C6orf163: variants seen among roughly 807,000 people sequenced by gnomAD.
C6orf163 encodes the protein uncharacterized protein C6orf163.
In C6orf163, 22 loss-of-function variants were observed where a neutral mutation model predicts 28.4. The observed-to-expected ratio is 0.78, with a 90% CI of 0.55 to 1.11. The LOEUF (loss-of-function observed/expected upper bound fraction) is 1.11. Among genes scored for constraint, C6orf163 ranks in the 50% least tolerant of loss-of-function variants. The probability of loss-of-function intolerance (pLI) is 0.00; values close to 1 mark genes in which losing one functional copy is unlikely to be tolerated. For missense variants in C6orf163, 342 were observed against 389.1 expected, an observed-to-expected ratio of 0.88 and a Z score of 1.02; for synonymous variants, 110 against 123.6, an observed-to-expected ratio of 0.89 and a Z score of 0.73.
At chr6:87,363,691 G>A (rs1265570541) in intron 4 of C6orf163, among the ~76,000 whole-genome samples, 1 of 151,582 alleles carries the variant, frequency 6.6e-6, no homozygotes, top group Non-Finnish European at 1.5e-5. Flanking sequence ...ATTTTTTATG[G>A]CTGCATAGTA....
At position 87,350,520 on chromosome 6, in the gene C6orf163, T is replaced by C; in HGVS notation, c.351+19T>C. 7.4e-7 allele frequency: 1 copy of C among 1,348,980 alleles called. No individual in the cohort carries two copies. Among genetic ancestry groups the C allele is most frequent in the Middle Eastern group, 1.8e-4 (1 of 5,466 alleles). The allele number at this position is 1,348,980 out of a possible 1,614,324, so 83.6% of individuals were successfully genotyped here. ...TTTACAGGTTTTTATAGTGGCTTAT[T>C]TGTTGTCTTTTAAAAGTAATTACAT... is the stretch of plus-strand genomic sequence containing the variant. On this transcript the variant is annotated intron_variant, in intron 3 of 4. Transcript: ENST00000388923.
At chr6:87,351,309 A>G (rs1291102056) in intron 3 of C6orf163, among the ~76,000 whole-genome samples, 3 of 152,218 alleles carry the variant, frequency 2.0e-5, no homozygotes, top group Non-Finnish European at 4.4e-5. Flanking sequence ...AGAGGTCCGG[A>G]CCCAGGTTTG....
chr6:87,359,605 C>T (rs1777553367), intron 4 of C6orf163, among the ~76,000 whole-genome samples: 1 of 152,178 alleles, frequency 6.6e-6, no homozygotes, highest in African/African-American at 2.4e-5. Context: ...TACAGACTAA[C>T]CAGGCAAAGG....
intron 1 of C6orf163, among the ~76,000 whole-genome samples, chr6:87,346,087 T>C (rs550744925): frequency 6.6e-5 from 10 of 152,182 alleles, no homozygotes; most frequent in Admixed American, 3.3e-4. Context: ...AATTGTACTA[T>C]AGGTTTCCAT....
chr6:87,355,028 T>A (rs1264063564), intron 3 of C6orf163, among the ~76,000 whole-genome samples: 1 of 152,172 alleles, frequency 6.6e-6, no homozygotes, highest in Non-Finnish European at 1.5e-5. Flanking sequence ...CTGGGTAAGA[T>A]TTCATTTAAA....
intron 2 of C6orf163, among the ~76,000 whole-genome samples, 171 bp from the exon 3 acceptor site, chr6:87,350,223 A>G (rs1225558928): frequency 6.6e-6 from 1 of 152,208 alleles, no homozygotes; most frequent in East Asian, 1.9e-4. Flanking sequence ...TAAGGCAGAC[A>G]GTTTGCTATG....
Position 87,364,878 on chromosome 6 carries a change from C to G in C6orf163, c.555-83C>G. Reference sequence around the variant, plus strand: ...CTGGTGGCTCATCTCAACAATTGCTCATTCATCTGCGTTTAAAGATGAAAT... The same window carrying G: ...CTGGTGGCTCATCTCAACAATTGCTGATTCATCTGCGTTTAAAGATGAAAT... On this transcript the variant is annotated intron_variant, in intron 4 of 4. Transcript: ENST00000388923. 2.9e-6 allele frequency: 3 copies of G among 1,047,706 alleles called. No homozygotes were observed. In the South Asian group the frequency reaches 5.0e-5, roughly 17 times the overall value. 64.9% of individuals were successfully genotyped at this position (1,047,706 alleles called of 1,614,324 possible). A position where few individuals can be genotyped will look rare whatever the true frequency, so the allele number is the denominator to read the frequency against.
intron 3 of C6orf163, among the ~76,000 whole-genome samples, chr6:87,351,412 T>G (rs1259695681): frequency 6.6e-6 from 1 of 152,198 alleles, no homozygotes; most frequent in Non-Finnish European, 1.5e-5. Context: ...ATTAGATCTG[T>G]ACCGGGTGAG....
At chr6:87,363,341 A>G (rs989807956) in intron 4 of C6orf163, among the ~76,000 whole-genome samples, 11 of 151,160 alleles carry the variant, frequency 7.3e-5, no homozygotes, top group African/African-American at 2.4e-4. Flanking sequence ...TTTTTTCCAA[A>G]TTTTTTAAAA....
intron 3 of C6orf163, 167 bp from the exon 4 acceptor site, chr6:87,356,134 A>G: frequency 1.6e-6 from 1 of 613,418 alleles, no homozygotes; most frequent in Non-Finnish European, 2.8e-6. Flanking sequence ...ACCTAACATC[A>G]TATAAATAAA....
rs776799669 is a variant in C6orf163 at position 87,345,071 on chromosome 6, AAGT to A, written c.-26_-24del. ...CTGATTCTAAGATTATTTTAACTGT[AAGT>A]AGGAGAAGACATCTGAAATTTAACT... On this transcript the variant is annotated 5_prime_UTR_variant, in exon 1 of 5. Coordinates refer to ENST00000388923, the MANE Select transcript of C6orf163 (RefSeq NM_001010868.3). 3 of 1,486,678 alleles carry A rather than the reference AAGT, an allele frequency of 2.0e-6. No individual in the cohort carries two copies. The highest frequency in any genetic ancestry group is 2.7e-6 in the Non-Finnish European group (3 of 1,120,310). The allele number at this position is 1,486,678 out of a possible 1,614,324, so 92.1% of individuals were successfully genotyped here.
intron 3 of C6orf163, 122 bp from the exon 4 acceptor site, chr6:87,356,179 C>A: frequency 1.3e-6 from 1 of 792,078 alleles, no homozygotes; most frequent in Non-Finnish European, 2.0e-6. Context: ...TCTTTTAAAT[C>A]ATCAGTGTTA....
At chr6:87,364,585 G>T (rs1213689575) in intron 4 of C6orf163, among the ~76,000 whole-genome samples, 10 of 152,096 alleles carry the variant, frequency 6.6e-5, no homozygotes, top group Non-Finnish European at 1.3e-4. Flanking sequence ...CTGGCTAAAG[G>T]TCAGCAGCTG....
chr6:87,363,665 AG>A (rs1159050066), intron 4 of C6orf163, among the ~76,000 whole-genome samples: 9 of 151,962 alleles, frequency 5.9e-5, no homozygotes, highest in African/African-American at 2.2e-4. Flanking sequence ...GTCCCTACAA[AG>A]GACATGAACT....
At chr6:87,348,670 G>A in intron 1 of C6orf163, 142 bp from the exon 2 acceptor site, 1 of 1,412,572 alleles carries the variant, frequency 7.1e-7, no homozygotes, top group Non-Finnish European at 9.2e-7. Context: ...TCTTTCAATG[G>A]GTATCTTTGA....
intron 4 of C6orf163, among the ~76,000 whole-genome samples, chr6:87,364,122 A>G (rs1477155215): frequency 6.6e-6 from 1 of 151,916 alleles, no homozygotes; most frequent in Non-Finnish European, 1.5e-5. Flanking sequence ...CATCTCTACT[A>G]AAAAATACAA....
chr6:87,348,308 A>G lies in C6orf163; in HGVS notation c.149-504A>G, dbSNP rs1435400664. The stretch of plus-strand genomic sequence containing the variant: ...AAATCAAATTAGATCATTGACAGAA[A>G]AATAGTAAACTTCTACCCCTTAGCT... On this transcript the variant is annotated intron_variant, in intron 1 of 4. Coordinates refer to ENST00000388923, the MANE Select transcript of C6orf163 (RefSeq NM_001010868.3). 4.1e-6 allele frequency: 4 copies of G among 985,444 alleles called. No homozygotes were observed. The African/African-American group carries it at 7.0e-5, about 17-fold the overall frequency. The allele number at this position is 985,444 out of a possible 1,614,324, so 61.0% of individuals were successfully genotyped here.
chr6:87,348,653 A>G (rs1352801579), intron 1 of C6orf163, 159 bp from the exon 2 acceptor site: 10 of 1,402,542 alleles, frequency 7.1e-6, no homozygotes, highest in South Asian at 3.2e-5. Context: ...ATCAGAGAAA[A>G]TCTTACTCTT....
At chr6:87,349,502 AC>A (rs1250908804) in intron 2 of C6orf163, among the ~76,000 whole-genome samples, 1 of 152,212 alleles carries the variant, frequency 6.6e-6, no homozygotes, top group Non-Finnish European at 1.5e-5. Flanking sequence ...AAGGCATCAA[AC>A]TGAAGCAAAG....
Sources: allele counts gnomAD v4.1 joint callset (sites outside exome capture counted in the v4.1 genomes callset), GRCh38; gene constraint gnomAD v4.1.1; transcripts MANE v1.5; gene names NCBI Gene and HGNC (gene_info 2026-07-23, HGNC 2026-07-21).